The following MKRN2 variants were observed in gnomAD, a reference collection of about 807,000 sequenced individuals.
MKRN2 encodes makorin ring finger protein 2, also known as E3 ubiquitin-protein ligase makorin-2.
In MKRN2, 32 loss-of-function variants were observed where a neutral mutation model predicts 45.4. The ratio of observed to expected loss-of-function variants is 0.70; its 90% confidence interval spans 0.53 to 0.95. The LOEUF (loss-of-function observed/expected upper bound fraction) is 0.95, where lower values mean the gene tolerates loss of function less well. Ranked by LOEUF, MKRN2 falls within the 40% of genes least tolerant of loss-of-function variation. MKRN2 has a pLI of 0.00. For synonymous variants in MKRN2, 206 were observed against 192.4 expected, an observed-to-expected ratio of 1.07 and a Z score of -0.59; for missense variants, 526 against 536.7, an observed-to-expected ratio of 0.98 and a Z score of 0.20.
chr3:12,569,905 C>CTTTT (rs1461667943), intron 2 of MKRN2, among the ~76,000 whole-genome samples, 166 bp from the exon 3 acceptor site: 9 of 152,158 alleles, frequency 5.9e-5, no homozygotes, highest in African/African-American at 1.9e-4. Flanking sequence ...AATTGCCAAG[C>CTTTT]ATCTGTTAAT....
intron 1 of MKRN2, among the ~76,000 whole-genome samples, chr3:12,559,431 T>C (rs1183695451): frequency 6.6e-6 from 1 of 152,182 alleles, no homozygotes; most frequent in African/African-American, 2.4e-5. Flanking sequence ...TTGTGGGTTT[T>C]GTTTGTTTTT....
At chr3:12,569,977 A>G in intron 2 of MKRN2, 94 bp from the exon 3 acceptor site, 1 of 1,213,538 alleles carries the variant, frequency 8.2e-7, no homozygotes, top group Admixed American at 2.4e-5. Context: ...CACCTCAACA[A>G]GTGCAGCAGA....
chr3:12,563,457 A>G (rs2058051257), intron 1 of MKRN2, among the ~76,000 whole-genome samples: 1 of 147,556 alleles, frequency 6.8e-6, no homozygotes, highest in Non-Finnish European at 1.5e-5. Flanking sequence ...CATTCCTTGC[A>G]TACCATTCCC....
At position 12,576,761 on chromosome 3, in the gene MKRN2, G is replaced by T; in HGVS notation, c.968+20G>T. The T allele has an allele frequency of 1.3e-6, 2 of 1,531,640 alleles. No homozygotes were observed. The highest frequency in any genetic ancestry group is 2.3e-5 in the East Asian group (1 of 44,010). The allele number at this position is 1,531,640 out of a possible 1,614,324, so 94.9% of individuals were successfully genotyped here. A position where few individuals can be genotyped will look rare whatever the true frequency, so the allele number is the denominator to read the frequency against. ...GATGGGGTAAGTGCTTTTGAGTTTC[G>T]ACGTGCCCCTGCTGCCTGCCTGGCT... is the stretch of plus-strand genomic sequence containing the variant. On this transcript the variant is annotated intron_variant, in intron 6 of 7. Transcript: ENST00000170447.
chr3:12,559,394 C>T lies in MKRN2; in HGVS notation c.26+2218C>T, dbSNP rs557332533. On this transcript the variant is annotated intron_variant, in intron 1 of 7. Coordinates refer to ENST00000170447, the MANE Select transcript of MKRN2 (RefSeq NM_014160.5). ...TTCAAGGTATGATTTATTTTGGGGA[C>T]CAGATCTAAGCAGCGTGTGCGGTTT... Among the ~76,000 whole-genome samples, 3 of 152,090 alleles carry T rather than the reference C, an allele frequency of 2.0e-5. No homozygotes were observed. In the South Asian group the frequency reaches 6.2e-4, roughly 32 times the overall value.
intron 1 of MKRN2, among the ~76,000 whole-genome samples, chr3:12,567,931 A>G (rs970592381): frequency 1.3e-4 from 20 of 152,210 alleles, no homozygotes; most frequent in African/African-American, 4.8e-4. Flanking sequence ...AGGATCTGAT[A>G]TCTCAGTGGA....
chr3:12,582,515 TAACA>T lies in MKRN2; in HGVS notation c.*267_*270del, dbSNP rs1165989411. On this transcript the variant is annotated 3_prime_UTR_variant, in exon 8 of 8. Coordinates refer to ENST00000170447, the MANE Select transcript of MKRN2 (RefSeq NM_014160.5). The stretch of plus-strand genomic sequence containing the variant: ...CCTCAAGCCCCTCAGGGGTAACAAC[TAACA>T]AACACCCAAACTGTTTGGATTGATT... 6 of 380,542 alleles carry T rather than the reference TAACA, an allele frequency of 1.6e-5. No individual in the cohort carries two copies. Among genetic ancestry groups the T allele is most frequent in the East Asian group, 8.3e-5 (2 of 23,996 alleles). 23.6% of individuals were successfully genotyped at this position (380,542 alleles called of 1,614,324 possible).
intron 1 of MKRN2, among the ~76,000 whole-genome samples, chr3:12,564,970 C>G (rs2058061127): frequency 6.6e-6 from 1 of 152,200 alleles, no homozygotes; most frequent in South Asian, 2.1e-4. Context: ...CTTTTTATGG[C>G]TGGATAAGAG....
chr3:12,560,375 C>G (rs2058026218), intron 1 of MKRN2, among the ~76,000 whole-genome samples: 1 of 151,786 alleles, frequency 6.6e-6, no homozygotes. Flanking sequence ...TTATTGCAAG[C>G]CTGCCACAGT....
intron 1 of MKRN2, among the ~76,000 whole-genome samples, chr3:12,557,790 C>T (rs1473827593): frequency 6.6e-6 from 1 of 152,198 alleles, no homozygotes; most frequent in Non-Finnish European, 1.5e-5. Flanking sequence ...TTATTATTAC[C>T]ATTTTACAGT....
At chr3:12,560,945 G>C (rs2058032399) in intron 1 of MKRN2, 1 of 152,218 alleles carries the variant, frequency 6.6e-6, no homozygotes, top group Non-Finnish European at 1.5e-5. Flanking sequence ...AACATAGATG[G>C]AGAGGAGTGA....
At chr3:12,575,102 A>G in intron 5 of MKRN2, 96 bp downstream of exon 5, 3 of 1,166,736 alleles carry the variant, frequency 2.6e-6, no homozygotes, top group Non-Finnish European at 3.7e-6. Flanking sequence ...TACCCTCAAG[A>G]GTAACTGGTG....
In MKRN2 at chr3:12,583,423, A is replaced by ATACTT. The variant is rs760723035; in HGVS notation, c.*1171_*1175dup. On this transcript the variant is annotated 3_prime_UTR_variant, in exon 8 of 8. Coordinates refer to ENST00000170447, the MANE Select transcript of MKRN2 (RefSeq NM_014160.5). ...AGTACTTTCTGCTTAATTAATTTTT[A>ATACTT]TACTTAACTCTTCAGTAGAGGTTTA... 1.1e-4 allele frequency: 20 copies of ATACTT among 184,706 alleles called. No individual in the cohort carries two copies. In the South Asian group the frequency reaches 1.4e-3, roughly 13 times the overall value. 11.4% of individuals were successfully genotyped at this position (184,706 alleles called of 1,614,324 possible).
intron 6 of MKRN2, among the ~76,000 whole-genome samples, chr3:12,579,575 T>C (rs906301986): frequency 6.6e-6 from 1 of 152,154 alleles, no homozygotes; most frequent in South Asian, 2.1e-4. Flanking sequence ...AGCACTTGGA[T>C]CCACCGGGGG....
Position 12,557,162 on chromosome 3 carries a change from G to A in MKRN2, c.12G>A (p.Lys4=). The A allele has an allele frequency of 3.3e-6, 5 of 1,536,796 alleles. No homozygotes were observed. Among genetic ancestry groups the A allele is most frequent in the Non-Finnish European group, 3.5e-6 (4 of 1,143,770 alleles). Residue 4 remains lysine, a synonymous_variant, in exon 1 of 8, where the codon AAG becomes AAA. Coordinates refer to ENST00000170447, the MANE Select transcript of MKRN2 (RefSeq NM_014160.5). ...TCAGCCCAGCCACCATGAGCACCAA[G>A]CAGATCACTTGCAGGTCAGTGCGCT... MST[K]QITCRYFMHG...
Position 12,569,108 on chromosome 3 carries a change from A to G in MKRN2, c.155+105A>G, listed in dbSNP as rs537811959. 9 of 1,351,924 alleles carry G rather than the reference A, an allele frequency of 6.7e-6. No individual in the cohort carries two copies. The East Asian group carries it at 2.3e-4, about 34-fold the overall frequency. The allele number at this position is 1,351,924 out of a possible 1,614,324, so 83.7% of individuals were successfully genotyped here. Reference sequence around the variant, plus strand: ...GTAAAAGTAATATGGCAACATCACAAAAAGTATGGCAAATAAGTTTAAAAC... The same window carrying G: ...GTAAAAGTAATATGGCAACATCACAGAAAGTATGGCAAATAAGTTTAAAAC... On this transcript the variant is annotated intron_variant, in intron 2 of 7. Transcript: ENST00000170447.
At chr3:12,581,687 C>A in intron 6 of MKRN2, 121 bp from the exon 7 acceptor site, 1 of 1,092,910 alleles carries the variant, frequency 9.1e-7, no homozygotes, top group South Asian at 1.4e-5. Context: ...AGCTGCCCCA[C>A]CTAGAATGTG....
chr3:12,580,067 T>G (rs2058167233), intron 6 of MKRN2, among the ~76,000 whole-genome samples: 1 of 151,684 alleles, frequency 6.6e-6, no homozygotes, highest in African/African-American at 2.4e-5. Context: ...GAAGGGGAGA[T>G]TGGGAAGTGA....
chr3:12,575,091 T>C (rs2058123412), intron 5 of MKRN2, 85 bp downstream of exon 5: 2 of 1,301,958 alleles, frequency 1.5e-6, no homozygotes, highest in Non-Finnish European at 2.2e-6. Context: ...AAGCCCTCCG[T>C]TACCCTCAAG....
Sources: allele counts gnomAD v4.1 joint callset (sites outside exome capture counted in the v4.1 genomes callset), GRCh38; gene constraint gnomAD v4.1.1; transcripts MANE v1.5; gene names NCBI Gene and HGNC (gene_info 2026-07-23, HGNC 2026-07-21).